RTP2: variants seen among roughly 807,000 people sequenced by gnomAD.
The protein encoded by RTP2 is receptor transporter protein 2.
Under a neutral mutation model 17.9 loss-of-function variants are expected in RTP2, and 12 were observed. The ratio of observed to expected loss-of-function variants is 0.67; its 90% CI spans 0.43 to 1.09. RTP2 has a LOEUF of 1.09. Among genes scored for constraint, RTP2 ranks in the 50% least tolerant of loss-of-function variants. The pLI is 0.00. For synonymous variants in RTP2, 126 were observed against 117.7 expected, an observed-to-expected ratio of 1.07 and a Z score of -0.46; for missense variants, 327 against 295.7, an observed-to-expected ratio of 1.11 and a Z score of -0.78.
chr3:187,704,687 G>A (rs4686900), upstream of RTP2, among the ~76,000 whole-genome samples: 141,482 of 152,282 alleles, frequency 0.93, 66,062 homozygotes, highest in East Asian at 1. Context: ...TCAAAGAACC[G>A]TAGACGATGC....
At chr3:187,701,820 G>C (rs1717855178) in intron 1 of RTP2, 145 bp downstream of exon 1, 3 of 683,326 alleles carry the variant, frequency 4.4e-6, no homozygotes, top group Non-Finnish European at 7.1e-6. Flanking sequence ...AGAACTCTCT[G>C]ACCCAGCCGG....
chr3:187,701,919 T>C, intron 1 of RTP2, 46 bp downstream of exon 1: 1 of 1,512,100 alleles, frequency 6.6e-7, no homozygotes, highest in Non-Finnish European at 8.9e-7. Flanking sequence ...CCCACAGCTG[T>C]GACCCAGGGG....
At chr3:187,708,072 T>G in the RTP2 span, among the ~76,000 whole-genome samples, 1 of 152,226 alleles carries the variant, frequency 6.6e-6, no homozygotes, top group Non-Finnish European at 1.5e-5. Flanking sequence ...TTTAATGAGT[T>G]TTTATTGTCC....
the RTP2 span, among the ~76,000 whole-genome samples, chr3:187,712,526 T>C: frequency 6.6e-6 from 1 of 152,198 alleles, no homozygotes; most frequent in Non-Finnish European, 1.5e-5. Flanking sequence ...TTGTTACATG[T>C]AGAGGAACTT....
intron 1 of RTP2, 49 bp downstream of exon 1, chr3:187,701,916 C>A (rs772074165): frequency 1.3e-6 from 2 of 1,510,390 alleles, no homozygotes; most frequent in Non-Finnish European, 8.9e-7. Context: ...TACCCCACAG[C>A]TGTGACCCAG....
upstream of RTP2, among the ~76,000 whole-genome samples, chr3:187,702,804 G>A (rs1315885678): frequency 2.0e-5 from 3 of 152,250 alleles, no homozygotes; most frequent in East Asian, 3.8e-4. Flanking sequence ...GCTCCTAACA[G>A]GGAATTGAGT....
At position 187,699,030 on chromosome 3, in the gene RTP2, G is replaced by T; in HGVS notation, c.165-19C>A. 6.4e-7 allele frequency: 1 copy of T among 1,560,634 alleles called. No individual in the cohort carries two copies. Among genetic ancestry groups the T allele is most frequent in the South Asian group, 1.2e-5 (1 of 83,390 alleles). On this transcript the variant is annotated intron_variant, in intron 1 of 1. Coordinates refer to ENST00000358241, the Ensembl canonical transcript of RTP2. ...GTGGAACCTGCCGGGAGGAGAAGGAGGGGTGGAGAAGGTGGGCATCCCAGA... is the reference window on the plus strand; with the variant it reads ...GTGGAACCTGCCGGGAGGAGAAGGATGGGTGGAGAAGGTGGGCATCCCAGA...
At chr3:187,715,405 C>T in the RTP2 span, among the ~76,000 whole-genome samples, 1 of 110,634 alleles carries the variant, frequency 9.0e-6, no homozygotes, top group South Asian at 2.3e-4. Context: ...ATATAAGGTT[C>T]CCCCCGCCAG....
At chr3:187,702,628 C>A, upstream of RTP2, 1 of 455,474 alleles carries the variant, frequency 2.2e-6, no homozygotes. Flanking sequence ...TATGCTGTGA[C>A]CATCACTTAC....
In RTP2 at chr3:187,698,703, C is replaced by CAG. The variant is rs1560135389; in HGVS notation, c.471_472dup (p.Cys158SerfsTer20). 6.2e-7 allele frequency: 1 copy of CAG among 1,614,076 alleles called. No individual in the cohort carries two copies. ...CTTCCAGTGAACGATGCCCTCCTGG[C>CAG]AGGCCTCACAGAACTCTGCACGATG... On this transcript the variant is annotated frameshift_variant, in exon 2 of 2. Coordinates refer to ENST00000358241, the Ensembl canonical transcript of RTP2. LOFTEE classifies it high-confidence loss of function.
At chr3:187,706,208 ATATGAGACGCAGATCTTACATGAGATGT>A (rs1295899294), upstream of RTP2, among the ~76,000 whole-genome samples, 2 of 152,266 alleles carry the variant, frequency 1.3e-5, no homozygotes, top group African/African-American at 4.8e-5. Flanking sequence ...AAAACAAAGC[ATATGAGACGCAGATCTTACATGAGATGT>A]AAAACAAATA....
At chr3:187,699,800 C>T (rs912304207) in intron 1 of RTP2, among the ~76,000 whole-genome samples, 8 of 151,706 alleles carry the variant, frequency 5.3e-5, no homozygotes, top group African/African-American at 1.9e-4. Context: ...TTCTCTCTCT[C>T]TCTTACATGC....
chr3:187,698,960 G>A (rs1286848785), exon 2 of RTP2: 3 of 1,606,408 alleles, frequency 1.9e-6, no homozygotes, highest in Non-Finnish European at 2.6e-6. Flanking sequence ...TGTGGAAGAG[G>A]ATGACCACAT....
the RTP2 span, among the ~76,000 whole-genome samples, chr3:187,712,972 C>A: frequency 6.6e-6 from 1 of 152,172 alleles, no homozygotes; most frequent in East Asian, 1.9e-4. Flanking sequence ...TCAATCAAGG[C>A]GAAAGCTGTT....
chr3:187,715,655 C>G, the RTP2 span: 2 of 456,668 alleles, frequency 4.4e-6, no homozygotes, highest in African/African-American at 4.0e-5. Context: ...ACCACTGGTT[C>G]TAAGTCAGAA....
At chr3:187,715,674 A>G in the RTP2 span, 1 of 456,932 alleles carries the variant, frequency 2.2e-6, no homozygotes, top group South Asian at 1.5e-5. Context: ...AATCATCTGG[A>G]GAGCAAGAAG....
At chr3:187,702,967 G>A (rs1032661088), upstream of RTP2, among the ~76,000 whole-genome samples, 2 of 152,036 alleles carry the variant, frequency 1.3e-5, no homozygotes, top group African/African-American at 4.8e-5. Flanking sequence ...TCCCAAGCCA[G>A]GCTAAGGTGG....
chr3:187,701,513 G>A (rs950755847), intron 1 of RTP2, among the ~76,000 whole-genome samples: 8 of 152,164 alleles, frequency 5.3e-5, no homozygotes, highest in Non-Finnish European at 1.0e-4. Context: ...GTAGCACACA[G>A]CAGGTGGTCA....
chr3:187,710,119 A>G, the RTP2 span, among the ~76,000 whole-genome samples: 1 of 152,286 alleles, frequency 6.6e-6, no homozygotes, highest in Non-Finnish European at 1.5e-5. Flanking sequence ...GAACAAAAAG[A>G]CAATGCAGGA....
Sources: gnomAD v4.1 joint callset for allele counts (sites outside exome capture counted in the v4.1 genomes callset) on GRCh38, gnomAD v4.1.1 for gene constraint, MANE v1.5 for transcripts, NCBI Gene and HGNC (gene_info 2026-07-23, HGNC 2026-07-21) for gene names.